Variants in TRIM61 observed in about 807,000 individuals in gnomAD.
TRIM61 encodes tripartite motif containing 61, also known as putative tripartite motif-containing protein 61.
Under a neutral mutation model 14.2 loss-of-function variants are expected in TRIM61, and 1 was observed. The observed-to-expected ratio is 0.07, with a 90% CI of 0.03 to 0.33. TRIM61 has a LOEUF of 0.33. Among genes scored for constraint, TRIM61 ranks in the 10% least tolerant of loss-of-function variants. TRIM61 has a pLI of 0.99. For synonymous variants in TRIM61, 8 were observed against 71.6 expected, an observed-to-expected ratio of 0.11 and a Z score of 4.49; for missense variants, 19 against 202.2, an observed-to-expected ratio of 0.09 and a Z score of 5.49.
intron 3 of TRIM61, chr4:164,969,192 T>C (rs1732304843): frequency 8.1e-7 from 1 of 1,239,408 alleles, no homozygotes; most frequent in Middle Eastern, 3.3e-4. Context: ...TTTTTTAATT[T>C]GAATAAAAAC....
chr4:164,958,586 A>G lies in TRIM61; in HGVS notation c.526-3490T>C, dbSNP rs575400883. On this transcript the variant is annotated intron_variant, in intron 3 of 4. Transcript: ENST00000329314. ...GTTTTTTTCTTTCATTATTTTAGCAACTATCAATAAAACAGTATTAGAAAT... is the reference window on the plus strand; with the variant it reads ...GTTTTTTTCTTTCATTATTTTAGCAGCTATCAATAAAACAGTATTAGAAAT... 3 of 167,172 alleles carry G rather than the reference A, an allele frequency of 1.8e-5. No homozygotes were observed. In the East Asian group the frequency reaches 5.8e-4, roughly 32 times the overall value. The allele number at this position is 167,172 out of a possible 1,614,324, so 10.4% of individuals were successfully genotyped here.
rs774458369 is a variant in TRIM61, at chr4:164,966,932, T to TA, written c.525+2545dup. Among the ~76,000 whole-genome samples the TA allele has an allele frequency of 9.3e-4, 135 of 144,406 alleles. No individual in the cohort carries two copies. The East Asian group carries it at 0.012, about 13-fold the overall frequency. The allele number at this position is 144,406 out of a possible 152,430, so 94.7% of individuals were successfully genotyped here. On this transcript the variant is annotated intron_variant, in intron 3 of 4. Transcript: ENST00000329314. Reference sequence around the variant, plus strand: ...ACAGAGCGAGACTCTATGTCAAAAATAAAAAAAAAATAAAAAGAGAAAAAT... The same window carrying TA: ...ACAGAGCGAGACTCTATGTCAAAAATAAAAAAAAAAATAAAAAGAGAAAAAT...
chr4:164,975,820 AG>A (rs1309946427), intron 2 of TRIM61, among the ~76,000 whole-genome samples: 1 of 152,142 alleles, frequency 6.6e-6, no homozygotes, highest in Non-Finnish European at 1.5e-5. Flanking sequence ...GTCTGTGCTG[AG>A]GTGAATTAGT....
chr4:164,961,153 CAAAAAAAAAAAAAAAAAAAAAAA>C (rs762554625), intron 3 of TRIM61, among the ~76,000 whole-genome samples: 318 of 31,716 alleles, frequency 0.01, 1 homozygote, highest in African/African-American at 0.021. Flanking sequence ...AACTCTCAGG[CAAAAAAAAAAAAAAAAAAAAAAA>C]AAAAAAAAAA....
At chr4:164,972,548 G>A (rs539522476) in intron 2 of TRIM61, among the ~76,000 whole-genome samples, 103 of 152,324 alleles carry the variant, frequency 6.8e-4, no homozygotes, top group Admixed American at 1.6e-3. Context: ...GAGTGCAGTG[G>A]CACAATCTTG....
chr4:164,964,659 G>T (rs1373815973), intron 3 of TRIM61, among the ~76,000 whole-genome samples: 1 of 152,156 alleles, frequency 6.6e-6, no homozygotes, highest in South Asian at 2.1e-4. Context: ...TGATTATGTA[G>T]GGGAAAAGAA....
At chr4:164,956,924 G>C (rs902724698) in intron 3 of TRIM61, 2 of 1,194,960 alleles carry the variant, frequency 1.7e-6, no homozygotes, top group African/African-American at 1.5e-5. Context: ...AGCAGTGATT[G>C]GGTGCGGCCG....
At chr4:164,968,832 G>A (rs4632609) in intron 3 of TRIM61, 4 of 961,170 alleles carry the variant, frequency 4.2e-6, no homozygotes, top group African/African-American at 1.8e-5. Flanking sequence ...TGACTAGATC[G>A]CCAAATTCCC....
chr4:164,971,515 C>T (rs559124905), intron 2 of TRIM61, among the ~76,000 whole-genome samples: 5 of 151,094 alleles, frequency 3.3e-5, no homozygotes, highest in African/African-American at 7.3e-5. Flanking sequence ...TGCTTGAACC[C>T]GAGAGGAGGA....
intron 2 of TRIM61, among the ~76,000 whole-genome samples, chr4:164,974,033 G>C (rs950915931): frequency 3.9e-5 from 6 of 152,232 alleles, no homozygotes; most frequent in African/African-American, 1.4e-4. Flanking sequence ...AGCTGGCAGT[G>C]GTGGCGCATG....
At chr4:164,968,485 GCTTT>G (rs34749098) in intron 3 of TRIM61, 153,133 of 983,816 alleles carry the variant, frequency 0.16, 13,957 homozygotes, top group East Asian at 0.62. Flanking sequence ...AAAAAATATT[GCTTT>G]CTTATGGGAA....
At chr4:164,956,126 C>T (rs1197636512) in intron 3 of TRIM61, among the ~76,000 whole-genome samples, 1 of 152,334 alleles carries the variant, frequency 6.6e-6, no homozygotes. Context: ...GGTGCAGTGG[C>T]GCCATCCTGG....
At chr4:164,974,459 T>C (rs930553423) in intron 2 of TRIM61, among the ~76,000 whole-genome samples, 4 of 152,222 alleles carry the variant, frequency 2.6e-5, no homozygotes, top group African/African-American at 4.8e-5. Flanking sequence ...CTGCATCCAC[T>C]GGTCTTGAGC....
At chr4:164,967,139 A>G (rs1348550487) in intron 3 of TRIM61, among the ~76,000 whole-genome samples, 1 of 152,226 alleles carries the variant, frequency 6.6e-6, no homozygotes, top group African/African-American at 2.4e-5. Flanking sequence ...ACTAGAATTG[A>G]AATAATCAAC....
At chr4:164,968,259 T>C in intron 3 of TRIM61, 22 bp downstream of exon 3, 1 of 973,020 alleles carries the variant, frequency 1.0e-6, no homozygotes, top group Non-Finnish European at 1.2e-6. Context: ...TAATCTTTCT[T>C]AAAGGAAAAG....
chr4:164,968,680 A>G (rs1732294783), intron 3 of TRIM61: 1 of 985,240 alleles, frequency 1.0e-6, no homozygotes, highest in Middle Eastern at 5.2e-4. Flanking sequence ...AATTATCATT[A>G]AAAGTATAGA....
At chr4:164,966,005 A>G (rs1732231706) in intron 3 of TRIM61, among the ~76,000 whole-genome samples, 1 of 152,230 alleles carries the variant, frequency 6.6e-6, no homozygotes, top group African/African-American at 2.4e-5. Context: ...CAGGTAAAAC[A>G]ATGCAAGAGA....
chr4:164,969,158 T>C, intron 3 of TRIM61: 1 of 1,176,222 alleles, frequency 8.5e-7, no homozygotes, highest in Non-Finnish European at 1.1e-6. Flanking sequence ...GCCAGAATAT[T>C]GTGGAGGCAG....
At chr4:164,968,239 A>G (rs1161504288) in intron 3 of TRIM61, 42 bp downstream of exon 3, 19 of 981,094 alleles carry the variant, frequency 1.9e-5, no homozygotes, top group Non-Finnish European at 2.3e-5. Context: ...GAATGCCTTT[A>G]ATAAAGACTT....
Sources: gnomAD v4.1 joint callset for allele counts (sites outside exome capture counted in the v4.1 genomes callset) on GRCh38, gnomAD v4.1.1 for gene constraint, MANE v1.5 for transcripts, NCBI Gene and HGNC (gene_info 2026-07-23, HGNC 2026-07-21) for gene names.